Variants in OLFM1 observed in about 807,000 individuals in gnomAD.
OLFM1 encodes olfactomedin 1.
Under a neutral mutation model 49.7 loss-of-function variants are expected in OLFM1, and 9 were observed. The ratio of observed to expected loss-of-function variants is 0.18; its 90% CI spans 0.11 to 0.32. OLFM1 has a LOEUF of 0.32. Ranked by LOEUF, OLFM1 falls within the 10% of genes least tolerant of loss-of-function variation. The pLI is 1.00. For synonymous variants in OLFM1, 240 were observed against 271.8 expected (o/e 0.88, Z 1.15); for missense variants, 369 against 661.8 (o/e 0.56, Z 4.85).
At chr9:135,089,636 T>G (rs1025371433) in intron 1 of OLFM1, among the ~76,000 whole-genome samples, 34 of 152,188 alleles carry the variant, frequency 2.2e-4, no homozygotes, top group African/African-American at 7.7e-4. Flanking sequence ...GCTGGGAGGT[T>G]GCTGTAGCTC....
intron 5 of OLFM1, among the ~76,000 whole-genome samples, chr9:135,114,331 G>C (rs191928913): frequency 2.0e-5 from 3 of 151,892 alleles, no homozygotes; most frequent in African/African-American, 7.2e-5. Context: ...GTGTTGGCCA[G>C]GTCTCGAACT....
chr9:135,091,939 A>C (rs1830722460), intron 2 of OLFM1, among the ~76,000 whole-genome samples: 1 of 151,658 alleles, frequency 6.6e-6, no homozygotes, highest in Non-Finnish European at 1.5e-5. Context: ...ACACACACAC[A>C]ATAGTAAAGC....
Position 135,080,534 on chromosome 9 carries a change from G to C in OLFM1, c.96+4732G>C, listed in dbSNP as rs1394509373. On this transcript the variant is annotated intron_variant, in intron 1 of 5. Transcript: ENST00000252854. The surrounding 1 kb of genome is among the most constrained non-coding windows in gnomAD (Gnocchi z 4.5). Reference sequence around the variant, plus strand: ...TGCCTCCCCTGGTGGAGAGGCTCCTGACACCAGGGGCGCTGAGCTGTCAAT... The same window carrying C: ...TGCCTCCCCTGGTGGAGAGGCTCCTCACACCAGGGGCGCTGAGCTGTCAAT... 6.6e-6 allele frequency among the ~76,000 whole-genome samples: 1 copy of C among 151,970 alleles called. No individual in the cohort carries two copies. Among genetic ancestry groups the C allele is most frequent in the East Asian group, 1.9e-4 (1 of 5,164 alleles).
chr9:135,084,035 T>C (rs1830564866), upstream of OLFM1, among the ~76,000 whole-genome samples: 1 of 152,218 alleles, frequency 6.6e-6, no homozygotes, highest in African/African-American at 2.4e-5. This position sits in a 1 kb window ranked among gnomAD's most constrained non-coding sequence, Gnocchi z 4.6. Context: ...CCTCCACCCA[T>C]GTGTGAACCC....
intron 2 of OLFM1, among the ~76,000 whole-genome samples, chr9:135,092,040 CTG>C (rs1830724221): frequency 6.6e-6 from 1 of 152,222 alleles, no homozygotes; most frequent in Admixed American, 6.5e-5. Flanking sequence ...CGGGGGGCCT[CTG>C]TGACTCAGGG....
intron 2 of OLFM1, among the ~76,000 whole-genome samples, chr9:135,092,227 A>G (rs1006390447): frequency 6.6e-6 from 1 of 152,074 alleles, no homozygotes; most frequent in African/African-American, 2.4e-5. Context: ...GGAGAAGGAG[A>G]GGGTGGGCTA....
chr9:135,094,322 C>T (rs188293082), intron 2 of OLFM1, among the ~76,000 whole-genome samples: 1 of 152,340 alleles, frequency 6.6e-6, no homozygotes, highest in African/African-American at 2.4e-5. Context: ...GACATTGTGC[C>T]AACAAAGTGA....
At chr9:135,077,116 T>C (rs1830477929) in intron 1 of OLFM1, 1 of 1,550,460 alleles carries the variant, frequency 6.4e-7, no homozygotes. Flanking sequence ...GTGGTGGTTG[T>C]GCACTGTTGC....
chr9:135,093,752 A>G (rs1371043819), intron 2 of OLFM1, among the ~76,000 whole-genome samples: 1 of 152,132 alleles, frequency 6.6e-6, no homozygotes, highest in Non-Finnish European at 1.5e-5. Context: ...GCTCAGAGGA[A>G]TGCCTTCCCT....
At chr9:135,107,200 C>T (rs1184834084) in intron 5 of OLFM1, among the ~76,000 whole-genome samples, 2 of 152,230 alleles carry the variant, frequency 1.3e-5, no homozygotes, top group East Asian at 1.9e-4. Flanking sequence ...TCTCTGGAGC[C>T]GAAACCCAGC....
intron 1 of OLFM1, chr9:135,076,411 G>T (rs952856683): frequency 7.4e-6 from 11 of 1,483,456 alleles, no homozygotes; most frequent in Non-Finnish European, 9.9e-6. Flanking sequence ...GGAGCCCTGT[G>T]GCGTGCTGGT....
Position 135,087,851 on chromosome 9 carries a change from G to A in OLFM1, c.-139G>A. The A allele has an allele frequency of 1.0e-6, 1 of 952,960 alleles. No individual in the cohort carries two copies. Among genetic ancestry groups the A allele is most frequent in the Non-Finnish European group, 1.2e-6 (1 of 803,422 alleles). The allele number at this position is 952,960 out of a possible 1,614,324, so 59.0% of individuals were successfully genotyped here. On this transcript the variant is annotated 5_prime_UTR_variant, in exon 1 of 6. Coordinates refer to ENST00000371793, the MANE Select transcript of OLFM1 (RefSeq NM_001282611.2). ...GGCGCGCGGGGCGGCGGCGGCGGCGGGCGGGCGGCGGCGGGCCGAGGGGGC... is the reference window on the plus strand; with the variant it reads ...GGCGCGCGGGGCGGCGGCGGCGGCGAGCGGGCGGCGGCGGGCCGAGGGGGC...
In OLFM1 at chr9:135,106,871, T is replaced by A; in HGVS notation, c.783+16T>A. 6.3e-7 allele frequency: 1 copy of A among 1,586,980 alleles called. No individual in the cohort carries two copies. The highest frequency in any genetic ancestry group is 1.3e-5 in the African/African-American group (1 of 74,448). On this transcript the variant is annotated intron_variant, in intron 5 of 5. Transcript: ENST00000371793. ...CGATAACCGGGTGAGTGTCCCCTTATGTCATAGGGGGTCATTTGGGCAAGG... is the reference window on the plus strand; with the variant it reads ...CGATAACCGGGTGAGTGTCCCCTTAAGTCATAGGGGGTCATTTGGGCAAGG...
chr9:135,096,255 TCCCTC>T (rs1830795479), intron 3 of OLFM1, among the ~76,000 whole-genome samples: 1 of 120,422 alleles, frequency 8.3e-6, no homozygotes, highest in African/African-American at 3.2e-5. Flanking sequence ...CTCTTCCTCC[TCCCTC>T]TCCTTCTTCT....
chr9:135,076,975 G>C, intron 1 of OLFM1: 3 of 1,550,546 alleles, frequency 1.9e-6, no homozygotes, highest in Non-Finnish European at 2.6e-6. Flanking sequence ...CCAGCAGTGG[G>C]GTTATGTCGT....
rs149404483 is a variant in OLFM1, at chr9:135,119,806, C to T, written c.1086C>T (p.Ser362=). Residue 362 remains serine, a synonymous_variant, in exon 6 of 6, where the codon AGC becomes AGT. Transcript: ENST00000371793. ...HSDIDLMVDE[S]GLWAVYATNQ... ...ACATCGACCTCATGGTGGACGAGAG[C>T]GGGCTGTGGGCCGTGTACGCCACCA... is the stretch of plus-strand genomic sequence containing the variant. 66 of 1,613,894 alleles carry T rather than the reference C, an allele frequency of 4.1e-5. No homozygotes were observed. Among genetic ancestry groups the T allele is most frequent in the Non-Finnish European group, 4.7e-5 (56 of 1,180,028 alleles).
intron 2 of OLFM1, among the ~76,000 whole-genome samples, chr9:135,091,821 A>G (rs935855306): frequency 4.0e-5 from 6 of 150,546 alleles, no homozygotes; most frequent in African/African-American, 9.9e-5. Context: ...ACATAGTCAC[A>G]CACACTCACA....
chr9:135,112,668 G>A (rs369358061), intron 5 of OLFM1, among the ~76,000 whole-genome samples: 10 of 152,340 alleles, frequency 6.6e-5, no homozygotes, highest in South Asian at 4.1e-4. Context: ...ACTCTTGGGC[G>A]GGCGTCTCCT....
intron 5 of OLFM1, among the ~76,000 whole-genome samples, chr9:135,107,129 C>T (rs534829988): frequency 6.9e-6 from 1 of 145,228 alleles, no homozygotes; most frequent in East Asian, 2.1e-4. Context: ...CTCCCCGGCC[C>T]GGTGGGCTGG....
Sources: allele counts gnomAD v4.1 joint callset (sites outside exome capture counted in the v4.1 genomes callset), GRCh38; gene constraint gnomAD v4.1.1; non-coding constraint Gnocchi (gnomAD v3.1); transcripts MANE v1.5; gene names NCBI Gene and HGNC (gene_info 2026-07-23, HGNC 2026-07-21).